RXFP2: variants seen among roughly 807,000 people sequenced by gnomAD.
RXFP2 encodes the protein relaxin receptor 2.
Under a neutral mutation model 88.6 loss-of-function variants are expected in RXFP2, and 68 were observed. That is an observed-to-expected ratio of 0.77 (90% CI 0.63 to 0.94). The LOEUF (loss-of-function observed/expected upper bound fraction) is 0.94. RXFP2 is among the 40% of genes least tolerant of loss of function. RXFP2 has a pLI of 0.00. For synonymous variants in RXFP2, 329 were observed against 306.8 expected, an observed-to-expected ratio of 1.07 and a Z score of -0.76; for missense variants, 791 against 893.9, an observed-to-expected ratio of 0.88 and a Z score of 1.47.
chr13:31,773,068 A>G (rs1476219684), intron 5 of RXFP2, among the ~76,000 whole-genome samples: 1 of 152,202 alleles, frequency 6.6e-6, no homozygotes, highest in Non-Finnish European at 1.5e-5. Context: ...ATAATTCATC[A>G]TATTAACTTC....
At chr13:31,745,661 A>G (rs939931043) in intron 1 of RXFP2, among the ~76,000 whole-genome samples, 1 of 152,172 alleles carries the variant, frequency 6.6e-6, no homozygotes, top group Non-Finnish European at 1.5e-5. Flanking sequence ...GCCTTTTCTG[A>G]ATTCATGTTC....
At chr13:31,758,700 A>C (rs1456505511) in intron 2 of RXFP2, among the ~76,000 whole-genome samples, 1 of 152,186 alleles carries the variant, frequency 6.6e-6, no homozygotes, top group African/African-American at 2.4e-5. Context: ...GCAGTTTTCT[A>C]TGAATACCTC....
intron 5 of RXFP2, 30 bp from the exon 6 acceptor site, chr13:31,774,590 C>T (rs753786282): frequency 1.5e-4 from 168 of 1,106,076 alleles, no homozygotes; most frequent in South Asian, 1.2e-3. Flanking sequence ...AAACCATAAT[C>T]ACCTGACTCT....
chr13:31,784,937 C>CCCCAACTCCCAA (rs1873455348), intron 11 of RXFP2, among the ~76,000 whole-genome samples: 2 of 152,196 alleles, frequency 1.3e-5, no homozygotes, highest in South Asian at 4.1e-4. Flanking sequence ...CCCCCAACTC[C>CCCCAACTCCCAA]CAGGCCTTGT....
chr13:31,793,600 C>A (rs1267556898), intron 16 of RXFP2, among the ~76,000 whole-genome samples: 1 of 152,122 alleles, frequency 6.6e-6, no homozygotes, highest in African/African-American at 2.4e-5. Context: ...TCTTTCCTTT[C>A]CAGTTTTCTC....
chr13:31,754,722 T>C (rs1871850526), intron 1 of RXFP2, among the ~76,000 whole-genome samples: 2 of 152,374 alleles, frequency 1.3e-5, no homozygotes, highest in African/African-American at 4.8e-5. Context: ...GACATTTTCC[T>C]TGGTTATTTA....
At chr13:31,755,438 AGAGT>A (rs1451149219) in intron 1 of RXFP2, among the ~76,000 whole-genome samples, 1 of 151,794 alleles carries the variant, frequency 6.6e-6, no homozygotes, top group Non-Finnish European at 1.5e-5. Context: ...TGTGGGTGTG[AGAGT>A]GAGTGTGGGG....
chr13:31,795,927 T>C (rs1021848955), intron 16 of RXFP2, among the ~76,000 whole-genome samples: 3 of 152,088 alleles, frequency 2.0e-5, no homozygotes, highest in African/African-American at 7.2e-5. Context: ...TTTAACTTTT[T>C]TCTTTTTTTT....
chr13:31,791,900 G>T lies in RXFP2; in HGVS notation c.1240G>T (p.Ala414Ser). 1.2e-6 allele frequency: 2 copies of T among 1,614,054 alleles called. No homozygotes were observed. ...CATTTCTTCATTTGAGGACCTCTTGGCTAACAATATCCTCAGAATATTTGT... is the reference window on the plus strand; with the variant it reads ...CATTTCTTCATTTGAGGACCTCTTGTCTAACAATATCCTCAGAATATTTGT... ...DGISSFEDLL[A>S]NNILRIFVWV... Residue 414 changes from alanine (A) to serine (S), a missense_variant, in exon 15 of 18, where the codon GCT becomes TCT. Coordinates refer to ENST00000298386, the MANE Select transcript of RXFP2 (RefSeq NM_130806.5).
chr13:31,750,250 C>T (rs899791680), intron 1 of RXFP2, among the ~76,000 whole-genome samples: 10 of 152,054 alleles, frequency 6.6e-5, no homozygotes, highest in South Asian at 2.1e-4. Flanking sequence ...AAAGTTTCAC[C>T]GTCTCATCAG....
chr13:31,792,422 T>C (rs961626071), intron 15 of RXFP2, among the ~76,000 whole-genome samples: 1 of 152,218 alleles, frequency 6.6e-6, no homozygotes, highest in Non-Finnish European at 1.5e-5. Flanking sequence ...CAACTAGTCC[T>C]TCCTCCTTCC....
Position 31,802,244 on chromosome 13 carries a change from T to C in RXFP2, c.2104T>C (p.Leu702=). The change falls in exon 18 of 18, where the codon TTG becomes CTG. Residue 702 remains leucine, a synonymous_variant. Transcript: ENST00000298386. ...CACAACCAACTTTTTTAAGGACAAG[T>C]TGAAACAGCTGCTGCACAAACATCA... The part of the protein sequence containing the change: ...TLTTNFFKDK[L]KQLLHKHQRK... 1 of 1,614,068 alleles carries C rather than the reference T, an allele frequency of 6.2e-7. No homozygotes were observed. The highest frequency in any genetic ancestry group is 8.5e-7 in the Non-Finnish European group (1 of 1,179,986).
In RXFP2 at chr13:31,791,906, A is replaced by G. The variant is rs1182454828; in HGVS notation, c.1246A>G (p.Asn416Asp). The change falls in exon 15 of 18, where the codon AAT becomes GAT. Residue 416 changes from asparagine (N) to aspartate (D), a missense_variant. Asn to Asp is a conservative substitution (Grantham distance 23). Coordinates refer to ENST00000298386, the MANE Select transcript of RXFP2 (RefSeq NM_130806.5). ...ISSFEDLLAN[N>D]ILRIFVWVIA... ...TTCATTTGAGGACCTCTTGGCTAAC[A>G]ATATCCTCAGAATATTTGTCTGGGT... is the stretch of plus-strand genomic sequence containing the variant. The G allele has an allele frequency of 6.2e-7, 1 of 1,614,084 alleles. No individual in the cohort carries two copies. Among genetic ancestry groups the G allele is most frequent in the Non-Finnish European group, 8.5e-7 (1 of 1,179,952 alleles).
intron 16 of RXFP2, among the ~76,000 whole-genome samples, chr13:31,796,131 G>C (rs1435712839): frequency 8.1e-6 from 1 of 123,176 alleles, no homozygotes; most frequent in Non-Finnish European, 1.6e-5. Context: ...CTCACTGCAA[G>C]CTCCGCTTCC....
intron 1 of RXFP2, among the ~76,000 whole-genome samples, chr13:31,745,497 T>A (rs1175834548): frequency 6.6e-6 from 1 of 152,206 alleles, no homozygotes; most frequent in Non-Finnish European, 1.5e-5. Flanking sequence ...TGTCAGGGGC[T>A]GAGTCCCAAT....
chr13:31,788,523 G>A (rs1418955723), intron 13 of RXFP2, among the ~76,000 whole-genome samples: 1 of 152,018 alleles, frequency 6.6e-6, no homozygotes, highest in Non-Finnish European at 1.5e-5. Flanking sequence ...AGTGATCCTT[G>A]GATCCCTTTG....
intron 1 of RXFP2, among the ~76,000 whole-genome samples, chr13:31,744,961 A>G (rs1358793017): frequency 6.6e-6 from 1 of 151,992 alleles, no homozygotes; most frequent in African/African-American, 2.4e-5. Context: ...CTGAGGTCAG[A>G]AGTTTGAGAC....
At chr13:31,749,823 T>A (rs996125751) in intron 1 of RXFP2, among the ~76,000 whole-genome samples, 2 of 152,248 alleles carry the variant, frequency 1.3e-5, no homozygotes, top group Non-Finnish European at 2.9e-5. Context: ...CACAGTTTTA[T>A]GTCTTCTCTT....
chr13:31,782,374 GA>G (rs1242507092), intron 10 of RXFP2, among the ~76,000 whole-genome samples: 1 of 152,012 alleles, frequency 6.6e-6, no homozygotes, highest in Non-Finnish European at 1.5e-5. Context: ...TGGATGATTG[GA>G]AAAAAGAATG....
Sources: gnomAD v4.1 joint callset for allele counts (sites outside exome capture counted in the v4.1 genomes callset) on GRCh38, gnomAD v4.1.1 for gene constraint, MANE v1.5 for transcripts, NCBI Gene and HGNC (gene_info 2026-07-23, HGNC 2026-07-21) for gene names.